PITPNM2: variants seen among roughly 807,000 people sequenced by gnomAD.
PITPNM2 encodes the protein phosphatidylinositol transfer protein membrane associated 2.
In PITPNM2, 35 loss-of-function variants were observed where a neutral mutation model predicts 132.2. The observed-to-expected ratio is 0.26, with a 90% CI of 0.20 to 0.35. PITPNM2 has a LOEUF of 0.35. PITPNM2 is among the 10% of genes least tolerant of loss of function. PITPNM2 has a pLI of 1.00. For missense variants in PITPNM2, 1,332 were observed against 1,912.0 expected (o/e 0.70, Z 5.66); for synonymous variants, 738 against 799.2 (o/e 0.92, Z 1.29).
chr12:123,147,343 C>T (rs1462820783), intron 1 of PITPNM2, among the ~76,000 whole-genome samples: 2 of 151,880 alleles, frequency 1.3e-5, no homozygotes, highest in Non-Finnish European at 2.9e-5. Context: ...TTTTTCTTTT[C>T]TCACTCTGCT....
chr12:122,990,740 A>G (rs1369756362), intron 16 of PITPNM2, 31 bp from the exon 17 acceptor site: 4 of 1,563,302 alleles, frequency 2.6e-6, no homozygotes, highest in East Asian at 2.2e-5. Flanking sequence ...GAGGCCAGGT[A>G]AGAGAGGCCC....
In PITPNM2 at chr12:122,991,797, C is replaced by A. The variant is rs745766304; in HGVS notation, c.2404+702G>T. 7.7e-6 allele frequency: 10 copies of A among 1,299,198 alleles called. No individual in the cohort carries two copies. The Admixed American group carries it at 3.1e-4, about 40-fold the overall frequency. 80.5% of individuals were successfully genotyped at this position (1,299,198 alleles called of 1,614,324 possible). On this transcript the variant is annotated intron_variant, in intron 16 of 25. Coordinates refer to ENST00000320201, the MANE Select transcript of PITPNM2 (RefSeq NM_020845.3). ...CGGGGCCCGTCTTGCCAGGTGGGCG[C>A]GGGAACAGGCATACTGGTTTCCAGG...
At chr12:123,139,379 T>C (rs944736585) in intron 1 of PITPNM2, among the ~76,000 whole-genome samples, 1 of 151,750 alleles carries the variant, frequency 6.6e-6, no homozygotes, top group African/African-American at 2.4e-5. Context: ...CGGGCGCCTG[T>C]AGTCCCAGCT....
chr12:123,096,923 TAAAGGATGCTGGAC>T (rs1241388769), intron 2 of PITPNM2, among the ~76,000 whole-genome samples: 1 of 152,186 alleles, frequency 6.6e-6, no homozygotes, highest in Non-Finnish European at 1.5e-5. Context: ...CTAGAGGAAC[TAAAGGATGCTGGAC>T]TGGTGCCACT....
rs79326786 is a variant in PITPNM2, at chr12:122,992,620, G to C, written c.2283C>G (p.Pro761=). The C allele has an allele frequency of 1.9e-5, 31 of 1,605,844 alleles. No individual in the cohort carries two copies. Among genetic ancestry groups the C allele is most frequent in the Middle Eastern group, 3.5e-4 (2 of 5,758 alleles). ...CCAGGCGTGAAGCTGACGGGTCCGC[G>C]GGGTGGAAGAGGTTGTAGACTTGCT... The part of the protein sequence containing the change: ...ACQQVYNLFH[P]ADPSASRLEP... Residue 761 remains proline, a synonymous_variant, in exon 16 of 26, where the codon CCC becomes CCG. Coordinates refer to ENST00000320201, the MANE Select transcript of PITPNM2 (RefSeq NM_020845.3). The surrounding 1 kb of genome is among the most constrained non-coding windows in gnomAD (Gnocchi z 6.5).
rs1030197054 is a variant in PITPNM2 at position 123,012,701 on chromosome 12, G to A, written c.327C>T (p.Ile109=). 1.4e-5 allele frequency: 23 copies of A among 1,614,020 alleles called. 1 individual carries two copies. Among genetic ancestry groups the A allele is most frequent in the East Asian group, 1.1e-4 (5 of 44,902 alleles). Residue 109 remains isoleucine, a synonymous_variant, in exon 5 of 26, where the codon ATC becomes ATT. Coordinates refer to ENST00000320201, the MANE Select transcript of PITPNM2 (RefSeq NM_020845.3). ...CAGTTTTATAAAAGGTTTCAATGTC[G>A]ATGGAGAATTTCTCCACGAAAGGAC... ...FTCPFVEKFS[I]DIETFYKTDA... is the part of the protein sequence containing the mutation.
intron 2 of PITPNM2, among the ~76,000 whole-genome samples, chr12:123,039,396 C>A (rs1482000072): frequency 6.6e-6 from 1 of 152,084 alleles, no homozygotes; most frequent in Non-Finnish European, 1.5e-5. Context: ...ATTTTGAAAT[C>A]ATGGCAATTA....
chr12:123,116,864 G>A (rs529395761), intron 1 of PITPNM2, among the ~76,000 whole-genome samples: 37 of 152,128 alleles, frequency 2.4e-4, no homozygotes, highest in Non-Finnish European at 5.0e-4. Context: ...CCAGCCACAG[G>A]AGTGCAGCCA....
At chr12:123,136,929 G>C (rs2043394858) in intron 1 of PITPNM2, among the ~76,000 whole-genome samples, 1 of 152,172 alleles carries the variant, frequency 6.6e-6, no homozygotes, top group East Asian at 1.9e-4. Flanking sequence ...CCCCTTAATT[G>C]GTGAATATGG....
intron 8 of PITPNM2, among the ~76,000 whole-genome samples, chr12:123,003,706 T>A (rs893810389): frequency 3.9e-5 from 6 of 152,234 alleles, no homozygotes; most frequent in Non-Finnish European, 8.8e-5. Context: ...CTCGCCCCCA[T>A]CCCTTTCTGA....
At chr12:123,073,242 C>T (rs566464426) in intron 2 of PITPNM2, among the ~76,000 whole-genome samples, 5 of 152,276 alleles carry the variant, frequency 3.3e-5, no homozygotes, top group South Asian at 2.1e-4. Flanking sequence ...CTCTAAGCTA[C>T]GGAAAAATTG....
Position 122,986,682 on chromosome 12 carries a change from C to T in PITPNM2, c.3561G>A (p.Arg1187=). 8.1e-6 allele frequency: 13 copies of T among 1,613,398 alleles called. No homozygotes were observed. Among genetic ancestry groups the T allele is most frequent in the Non-Finnish European group, 1.1e-5 (13 of 1,179,934 alleles). ...GCAGCTTCAGGAAGTTGGCCTTGTG[C>T]CGCAGCGGGTCATGCACCAGGCCGT... ...FCDGLVHDPL[R]HKANFLKLLI... is the part of the protein sequence containing the mutation. Residue 1187 remains arginine, a synonymous_variant, in exon 24 of 26, where the codon CGG becomes CGA. Transcript: ENST00000320201.
intron 4 of PITPNM2, among the ~76,000 whole-genome samples, chr12:123,013,425 G>T (rs2039294102): frequency 6.6e-6 from 1 of 152,224 alleles, no homozygotes; most frequent in South Asian, 2.1e-4. Context: ...AGCAGCTGAA[G>T]GTCTCAGAGT....
rs1406486313 is a variant in PITPNM2 at position 123,151,020 on chromosome 12, G to A, written c.-467C>T. On this transcript the variant is annotated 5_prime_UTR_variant, in exon 1 of 26. Transcript: ENST00000320201. Reference sequence around the variant, plus strand: ...GAGCTGAGAAGGAAGCGCCGGGCGGGCGGCCGGGGCCGGCTGGACAGCTCT... The same window carrying A: ...GAGCTGAGAAGGAAGCGCCGGGCGGACGGCCGGGGCCGGCTGGACAGCTCT... Among the ~76,000 whole-genome samples the A allele has an allele frequency of 6.9e-6, 1 of 145,844 alleles. No homozygotes were observed. Among genetic ancestry groups the A allele is most frequent in the Admixed American group, 6.8e-5 (1 of 14,706 alleles).
intron 2 of PITPNM2, among the ~76,000 whole-genome samples, chr12:123,060,949 C>G (rs1296682701): frequency 6.6e-6 from 1 of 152,182 alleles, no homozygotes. Context: ...CCTATGCATC[C>G]CTACTCGCAT....
chr12:123,045,422 G>A (rs996716619), intron 2 of PITPNM2, among the ~76,000 whole-genome samples: 6 of 152,064 alleles, frequency 3.9e-5, no homozygotes, highest in African/African-American at 9.7e-5. Flanking sequence ...TGGCTAAGTC[G>A]GCAGACAATT....
chr12:123,090,542 T>G (rs1488435667), intron 2 of PITPNM2: 2 of 152,120 alleles, frequency 1.3e-5, no homozygotes, highest in Non-Finnish European at 2.9e-5. Flanking sequence ...TTTTTTTTTT[T>G]TTGTATTTTT....
At chr12:123,075,816 A>T (rs1302086126) in intron 2 of PITPNM2, 1 of 152,316 alleles carries the variant, frequency 6.6e-6, no homozygotes. Flanking sequence ...CCTCAGGCAA[A>T]TGCAGCCAGG....
chr12:123,126,206 T>C (rs116918050), intron 1 of PITPNM2, among the ~76,000 whole-genome samples: 4,790 of 152,140 alleles, frequency 0.031, 102 homozygotes, highest in Middle Eastern at 0.065. Flanking sequence ...CTCATATCCC[T>C]AAAGAATCAG....
Sources: gnomAD v4.1 joint callset for allele counts (sites outside exome capture counted in the v4.1 genomes callset) on GRCh38, gnomAD v4.1.1 for gene constraint, Gnocchi (gnomAD v3.1) non-coding constraint, MANE v1.5 for transcripts, NCBI Gene and HGNC (gene_info 2026-07-23, HGNC 2026-07-21) for gene names.